The following ZMYM2 variants were observed in gnomAD, a reference collection of about 807,000 sequenced individuals.
ZMYM2 encodes zinc finger MYM-type protein 2.
ZMYM2 carries 56 observed loss-of-function variants against 162.8 expected under a neutral mutation model. The ratio of observed to expected loss-of-function variants is 0.34; its 90% CI spans 0.28 to 0.43. ZMYM2 has a LOEUF of 0.43. Among genes scored for constraint, ZMYM2 ranks in the 20% least tolerant of loss-of-function variants. ZMYM2 has a pLI of 1.00. For missense variants in ZMYM2, 1,275 were observed against 1,621.8 expected, an observed-to-expected ratio of 0.79 and a Z score of 3.67; for synonymous variants, 510 against 541.6, an observed-to-expected ratio of 0.94 and a Z score of 0.81.
chr13:20,084,377 G>A (rs746057592), intron 24 of ZMYM2, among the ~76,000 whole-genome samples: 13 of 152,124 alleles, frequency 8.5e-5, no homozygotes, highest in Non-Finnish European at 1.8e-4. Context: ...TTTCTTAAAC[G>A]GTCAGATGGT....
intron 14 of ZMYM2, among the ~76,000 whole-genome samples, chr13:20,053,253 T>C (rs1325764265): frequency 3.9e-5 from 6 of 152,150 alleles, no homozygotes; most frequent in Non-Finnish European, 8.8e-5. Flanking sequence ...CTAGTTCTTG[T>C]TGTGTTACAA....
chr13:20,014,710 G>GT (rs1176605264), intron 6 of ZMYM2, among the ~76,000 whole-genome samples: 1 of 143,630 alleles, frequency 7.0e-6, no homozygotes, highest in Non-Finnish European at 1.5e-5. Flanking sequence ...TTTGGGTTTA[G>GT]TGATCTCGTC....
chr13:20,082,426 GT>G (rs1449728274), intron 22 of ZMYM2, among the ~76,000 whole-genome samples: 2 of 152,178 alleles, frequency 1.3e-5, no homozygotes, highest in African/African-American at 2.4e-5. Flanking sequence ...TTAAACCACT[GT>G]TTTCAGTCCG....
the ZMYM2 span, among the ~76,000 whole-genome samples, chr13:19,895,794 A>G: frequency 6.6e-6 from 1 of 151,854 alleles, no homozygotes; most frequent in South Asian, 2.1e-4. Flanking sequence ...AAAAGCAAGG[A>G]CACAAAGGTA....
At chr13:19,928,199 G>A in the ZMYM2 span, among the ~76,000 whole-genome samples, 4 of 152,144 alleles carry the variant, frequency 2.6e-5, no homozygotes, top group African/African-American at 9.6e-5. Context: ...TTGTAGAGGC[G>A]AGGTCCACCA....
In ZMYM2 at chr13:20,058,607, C is replaced by T; in HGVS notation, c.2526C>T (p.Asn842=). The change falls in exon 15 of 25, where the codon AAC becomes AAT. Residue 842 remains asparagine, a synonymous_variant. Coordinates refer to ENST00000610343, the MANE Select transcript of ZMYM2 (RefSeq NM_197968.4). ...CACCACCCCCTTCTCCAACACCTAA[C>T]AAAGAGATGAAGAACAAAGCAGTTC... is the stretch of plus-strand genomic sequence containing the variant. The part of the protein sequence containing the change: ...GSAPPPSPTP[N]KEMKNKAVLC... 6.2e-7 allele frequency: 1 copy of T among 1,613,706 alleles called. No individual in the cohort carries two copies. The highest frequency in any genetic ancestry group is 8.5e-7 in the Non-Finnish European group (1 of 1,179,702).
chr13:19,869,558 C>T, the ZMYM2 span, among the ~76,000 whole-genome samples: 1 of 152,030 alleles, frequency 6.6e-6, no homozygotes, highest in African/African-American at 2.4e-5. Flanking sequence ...GAGGCCGAGG[C>T]AGGTGGATCA....
Position 20,086,013 on chromosome 13 carries a change from A to T in ZMYM2, c.4133A>T (p.Ter1378LeuextTer10). ...TATGAACTGGATGAAGACACAGACT[A>T]AAAAGGAACGTTGCAGAAGCAATCG... ...DNYELDEDTD[*>L] Residue 1378 changes from the stop codon to leucine (L), a stop_lost, in exon 25 of 25, where the codon TAA becomes TTA. Transcript: ENST00000610343. 1.9e-6 allele frequency: 3 copies of T among 1,612,672 alleles called. No homozygotes were observed. Among genetic ancestry groups the T allele is most frequent in the Non-Finnish European group, 2.5e-6 (3 of 1,179,348 alleles).
At chr13:20,027,075 T>G (rs569348288) in intron 8 of ZMYM2, 128 bp from the exon 9 acceptor site, 1 of 657,726 alleles carries the variant, frequency 1.5e-6, no homozygotes, top group South Asian at 2.5e-5. Context: ...CACATAATCT[T>G]CAGTATTGAA....
chr13:20,008,244 C>CT (rs1425384031), intron 6 of ZMYM2, among the ~76,000 whole-genome samples: 1 of 152,206 alleles, frequency 6.6e-6, no homozygotes, highest in African/African-American at 2.4e-5. Context: ...ATTCTCCTTG[C>CT]TTCAGCCTCC....
At chr13:19,893,199 G>T in the ZMYM2 span, among the ~76,000 whole-genome samples, 3 of 144,234 alleles carry the variant, frequency 2.1e-5, no homozygotes, top group Admixed American at 6.9e-5. Flanking sequence ...TTGGGAGGCC[G>T]AGGTGGGCCG....
At chr13:20,034,685 T>C (rs563969752) in intron 11 of ZMYM2, among the ~76,000 whole-genome samples, 3 of 152,330 alleles carry the variant, frequency 2.0e-5, no homozygotes, top group Admixed American at 1.3e-4. Flanking sequence ...CATGTTGTGG[T>C]CTGAAAGTTG....
chr13:19,938,529 T>A, the ZMYM2 span, among the ~76,000 whole-genome samples: 1 of 151,994 alleles, frequency 6.6e-6, no homozygotes, highest in African/African-American at 2.4e-5. Flanking sequence ...GTATTTGGAT[T>A]CACTTTGAAA....
the ZMYM2 span, among the ~76,000 whole-genome samples, chr13:19,953,404 G>C: frequency 6.6e-6 from 1 of 152,026 alleles, no homozygotes; most frequent in Non-Finnish European, 1.5e-5. Context: ...CAACCTATAG[G>C]CTGGGCACGG....
At chr13:20,026,350 G>T in intron 7 of ZMYM2, 1 of 273,746 alleles carries the variant, frequency 3.7e-6, no homozygotes, top group Non-Finnish European at 6.8e-6. Context: ...ACTCTATGTA[G>T]GGATTCTGTT....
Position 20,064,637 on chromosome 13 carries a change from T to C in ZMYM2, c.3132+92T>C, listed in dbSNP as rs147302870. 2.6e-4 allele frequency: 248 copies of C among 940,092 alleles called. 2 individuals are homozygous for C. The African/African-American group carries it at 3.6e-3, about 14-fold the overall frequency. The allele number at this position is 940,092 out of a possible 1,614,324, so 58.2% of individuals were successfully genotyped here. On this transcript the variant is annotated intron_variant, in intron 19 of 24. Coordinates refer to ENST00000610343, the MANE Select transcript of ZMYM2 (RefSeq NM_197968.4). ...TAGTGTGCCTGAGAATATGGGAACA[T>C]ATTTTGTTTTCTAGGTTGGAAAATA...
intron 21 of ZMYM2, among the ~76,000 whole-genome samples, chr13:20,073,474 T>A (rs973785937): frequency 5.3e-5 from 8 of 152,250 alleles, no homozygotes; most frequent in African/African-American, 1.9e-4. Context: ...TGTATCATTT[T>A]AATTTTTCTC....
At chr13:19,961,053 G>T (rs1310911625) in intron 2 of ZMYM2, among the ~76,000 whole-genome samples, 1 of 151,466 alleles carries the variant, frequency 6.6e-6, no homozygotes, top group African/African-American at 2.4e-5. Context: ...TTAGCAAGTA[G>T]CCCACAGGGT....
At chr13:20,011,577 TA>T (rs200380964) in intron 6 of ZMYM2, among the ~76,000 whole-genome samples, 3,584 of 149,544 alleles carry the variant, frequency 0.024, 120 homozygotes, top group East Asian at 0.12. Flanking sequence ...TTTTTTGTTT[TA>T]TTTTTTTTTT....
Sources: gnomAD v4.1 joint callset for allele counts (sites outside exome capture counted in the v4.1 genomes callset) on GRCh38, gnomAD v4.1.1 for gene constraint, MANE v1.5 for transcripts, NCBI Gene and HGNC (gene_info 2026-07-23, HGNC 2026-07-21) for gene names.